Variants in ADARB2 observed in about 807,000 individuals in gnomAD.
ADARB2 encodes the protein inactive double-stranded RNA-specific editase B2.
ADARB2 carries 25 observed loss-of-function variants against 62.2 expected under a neutral mutation model. The ratio of observed to expected loss-of-function variants is 0.40; its 90% CI spans 0.29 to 0.56. ADARB2 has a LOEUF of 0.56. Among genes scored for constraint, ADARB2 ranks in the 20% least tolerant of loss-of-function variants. The probability of loss-of-function intolerance (pLI) is 0.43; values close to 1 mark genes in which losing one functional copy is unlikely to be tolerated. For synonymous variants in ADARB2, 572 were observed against 500.8 expected (o/e 1.14, Z -1.90); for missense variants, 1,071 against 1,077.4 (o/e 0.99, Z 0.08).
At chr10:1,593,328 C>T (rs1833287150) in intron 1 of ADARB2, among the ~76,000 whole-genome samples, 1 of 148,404 alleles carries the variant, frequency 6.7e-6, no homozygotes, top group South Asian at 2.1e-4. Context: ...ACCCAGCTCC[C>T]CTGGCCCAAA....
rs945926038 is a variant in ADARB2 at position 1,509,525 on chromosome 10, A to T, written c.101-130365T>A. On this transcript the variant is annotated intron_variant, in intron 1 of 9. Coordinates refer to ENST00000381312, the MANE Select transcript of ADARB2 (RefSeq NM_018702.4). ...CCGAGCTGCTACTGTTTTCTTTGCCATTAGAGTTACAACTTGGCTAAATGT... is the reference window on the plus strand; with the variant it reads ...CCGAGCTGCTACTGTTTTCTTTGCCTTTAGAGTTACAACTTGGCTAAATGT... Among the ~76,000 whole-genome samples the T allele has an allele frequency of 2.6e-5, 4 of 152,240 alleles. No homozygotes were observed. The South Asian group carries it at 8.3e-4, about 31-fold the overall frequency.
At chr10:1,490,891 G>T (rs1033197058) in intron 1 of ADARB2, among the ~76,000 whole-genome samples, 2 of 152,172 alleles carry the variant, frequency 1.3e-5, no homozygotes, top group Non-Finnish European at 2.9e-5. Flanking sequence ...ACATACGTCA[G>T]CAGATAGGAT....
chr10:1,364,871 AT>A (rs35539783), intron 2 of ADARB2, among the ~76,000 whole-genome samples: 35,506 of 127,030 alleles, frequency 0.28, 4,433 homozygotes, highest in Non-Finnish European at 0.33. Context: ...CATTTTGGTA[AT>A]TTTTTTTTTT....
intron 3 of ADARB2, among the ~76,000 whole-genome samples, chr10:1,298,720 ATTTTTTTTT>A (rs75978268): frequency 6.3e-5 from 7 of 110,762 alleles, no homozygotes; most frequent in African/African-American, 8.6e-5. Context: ...TGCGACGGGA[ATTTTTTTTT>A]TTTTTTTTTT....
chr10:1,432,998 T>C (rs759010886), intron 1 of ADARB2, among the ~76,000 whole-genome samples: 1 of 152,072 alleles, frequency 6.6e-6, no homozygotes, highest in Non-Finnish European at 1.5e-5. Context: ...CTGGCTGATA[T>C]ACATCCTTAA....
intron 3 of ADARB2, among the ~76,000 whole-genome samples, chr10:1,294,118 C>T (rs1831502556): frequency 6.6e-6 from 1 of 152,134 alleles, no homozygotes; most frequent in African/African-American, 2.4e-5. Context: ...AAATCAGCTG[C>T]AGTGGGTACG....
intron 7 of ADARB2, among the ~76,000 whole-genome samples, chr10:1,208,026 C>A (rs908404464): frequency 6.6e-6 from 1 of 152,228 alleles, no homozygotes; most frequent in Non-Finnish European, 1.5e-5. Flanking sequence ...TCTTCCCATG[C>A]AGGGGCAGGG....
intron 3 of ADARB2, among the ~76,000 whole-genome samples, chr10:1,296,029 GGGGTCAGGCCCGCTCCA>G (rs1831519854): frequency 6.6e-6 from 1 of 152,206 alleles, no homozygotes; most frequent in Non-Finnish European, 1.5e-5. Context: ...GCTGTGCTGT[GGGGTCAGGCCCGCTCCA>G]TGTGCAACTC....
At chr10:1,298,691 T>C (rs1398127369) in intron 3 of ADARB2, among the ~76,000 whole-genome samples, 1 of 141,338 alleles carries the variant, frequency 7.1e-6, no homozygotes, top group African/African-American at 2.6e-5. Flanking sequence ...TGCAGTGCAA[T>C]GCTGCCGACT....
chr10:1,461,368 C>T (rs531887841), intron 1 of ADARB2, among the ~76,000 whole-genome samples: 5 of 152,290 alleles, frequency 3.3e-5, no homozygotes, highest in East Asian at 1.9e-4. Context: ...AAAATATGGT[C>T]ACTGTAATTA....
At chr10:1,316,859 C>A (rs80283683) in intron 3 of ADARB2, among the ~76,000 whole-genome samples, 1 of 152,212 alleles carries the variant, frequency 6.6e-6, no homozygotes, top group African/African-American at 2.4e-5. Flanking sequence ...TGTTTTTCCG[C>A]GAATGAGTAA....
At chr10:1,318,728 CCT>C (rs1302870294) in intron 3 of ADARB2, among the ~76,000 whole-genome samples, 1 of 152,146 alleles carries the variant, frequency 6.6e-6, no homozygotes, top group Non-Finnish European at 1.5e-5. Context: ...ATAATTTGTC[CCT>C]GTCAGAAGGA....
At chr10:1,385,919 T>G (rs559986091) in intron 1 of ADARB2, among the ~76,000 whole-genome samples, 63 of 152,178 alleles carry the variant, frequency 4.1e-4, no homozygotes, top group Non-Finnish European at 8.5e-4. Flanking sequence ...ACAGAGCAAC[T>G]GCAATGAGAA....
intron 1 of ADARB2, among the ~76,000 whole-genome samples, chr10:1,671,933 C>T (rs1834389987): frequency 2.0e-5 from 3 of 152,090 alleles, no homozygotes; most frequent in Non-Finnish European, 4.4e-5. Context: ...TTCTCACTGG[C>T]TGTCTTTCGG....
chr10:1,210,978 C>T (rs1460211530), intron 7 of ADARB2, among the ~76,000 whole-genome samples: 2 of 152,200 alleles, frequency 1.3e-5, no homozygotes, highest in African/African-American at 2.4e-5. Context: ...CAGCCTGTGC[C>T]AGGGAGGCTC....
chr10:1,419,017 T>C (rs1832830645), intron 1 of ADARB2, among the ~76,000 whole-genome samples: 1 of 152,218 alleles, frequency 6.6e-6, no homozygotes, highest in Non-Finnish European at 1.5e-5. Flanking sequence ...AGAAAAGGGA[T>C]GTTTAGACAA....
At chr10:1,666,752 G>T (rs565807477) in intron 1 of ADARB2, among the ~76,000 whole-genome samples, 16 of 152,288 alleles carry the variant, frequency 1.1e-4, no homozygotes, top group African/African-American at 3.8e-4. Flanking sequence ...CCACCCATAG[G>T]CTCTGACATG....
chr10:1,314,957 G>A (rs900386719), intron 3 of ADARB2, among the ~76,000 whole-genome samples: 1 of 152,186 alleles, frequency 6.6e-6, no homozygotes, highest in East Asian at 1.9e-4. Flanking sequence ...GGAAGTTCAC[G>A]CAGAGGGTGT....
At position 1,267,530 on chromosome 10, in the gene ADARB2, G is replaced by A. The variant is rs181885101; in HGVS notation, c.1192+3425C>T. ...TGGCCTGGGAGTTCTCTGGGAGAGA[G>A]GCAGGTACCCTCTGTGAGATGCTTC... On this transcript the variant is annotated intron_variant, in intron 4 of 9. Transcript: ENST00000381312. Among the ~76,000 whole-genome samples, 362 of 152,328 alleles carry A rather than the reference G, an allele frequency of 2.4e-3. 2 individuals are homozygous for A. The highest frequency in any genetic ancestry group is 0.01 in the Middle Eastern group (3 of 294).
Sources: gnomAD v4.1 joint callset for allele counts (sites outside exome capture counted in the v4.1 genomes callset) on GRCh38, gnomAD v4.1.1 for gene constraint, MANE v1.5 for transcripts, NCBI Gene and HGNC (gene_info 2026-07-23, HGNC 2026-07-21) for gene names.